CCDC25: variants seen among roughly 807,000 people sequenced by gnomAD.
The protein encoded by CCDC25 is coiled-coil domain-containing protein 25.
In CCDC25, 16 loss-of-function variants were observed where a neutral mutation model predicts 35.3. The observed-to-expected ratio is 0.45, with a 90% CI of 0.31 to 0.69. The LOEUF (loss-of-function observed/expected upper bound fraction) is 0.69, where lower values mean the gene tolerates loss of function less well. CCDC25 is among the 30% of genes least tolerant of loss of function. CCDC25 has a pLI of 0.06. For synonymous variants in CCDC25, 79 were observed against 80.3 expected (o/e 0.98, Z 0.09); for missense variants, 179 against 250.7 (o/e 0.71, Z 1.93).
rs140165211 is a variant in CCDC25, at chr8:27,768,440, C to T, written c.29-3189G>A. ...ATTAGTCAGCCGTAGTAGCACATGC[C>T]TGTAATCCCAGCTACTAAGGAGGCT... On this transcript the variant is annotated intron_variant, in intron 1 of 8. Transcript: ENST00000356537. Among the ~76,000 whole-genome samples the T allele has an allele frequency of 7.9e-3, 1,193 of 151,842 alleles. 13 individuals are homozygous for T. The highest frequency in any genetic ancestry group is 0.027 in the African/African-American group (1,129 of 41,398).
intron 7 of CCDC25, among the ~76,000 whole-genome samples, chr8:27,745,961 G>A (rs1312554587): frequency 6.6e-6 from 1 of 152,158 alleles, no homozygotes; most frequent in Non-Finnish European, 1.5e-5. Flanking sequence ...TTTCCCTTCA[G>A]TTAATAGGAG....
At chr8:27,746,290 T>G (rs112707277) in intron 7 of CCDC25, among the ~76,000 whole-genome samples, 36 of 152,314 alleles carry the variant, frequency 2.4e-4, no homozygotes, top group African/African-American at 8.2e-4. Context: ...TCTTGATTGC[T>G]TCTCAGGCTC....
intron 7 of CCDC25, among the ~76,000 whole-genome samples, chr8:27,747,293 G>C (rs1803637117): frequency 6.6e-6 from 1 of 151,874 alleles, no homozygotes; most frequent in Non-Finnish European, 1.5e-5. Flanking sequence ...AAGCAGAAAA[G>C]GCAGTGGTCA....
At chr8:27,742,736 G>A (rs1803481648) in intron 7 of CCDC25, among the ~76,000 whole-genome samples, 1 of 152,162 alleles carries the variant, frequency 6.6e-6, no homozygotes, top group Non-Finnish European at 1.5e-5. Flanking sequence ...GCGTGGTTGT[G>A]CATGCCTGTA....
At chr8:27,754,494 G>C (rs1013092235) in intron 4 of CCDC25, 4 of 152,274 alleles carry the variant, frequency 2.6e-5, no homozygotes, top group African/African-American at 9.6e-5. Context: ...ATGTGTTTTT[G>C]TTGTTGTTGT....
At chr8:27,765,307 T>G in intron 1 of CCDC25, 56 bp from the exon 2 acceptor site, 1 of 1,331,152 alleles carries the variant, frequency 7.5e-7, no homozygotes, top group Non-Finnish European at 1.0e-6. Flanking sequence ...ACAAAATTGT[T>G]TCATGTGAAA....
intron 3 of CCDC25, among the ~76,000 whole-genome samples, chr8:27,760,785 A>G (rs1804200397): frequency 6.6e-6 from 1 of 152,228 alleles, no homozygotes; most frequent in Non-Finnish European, 1.5e-5. Flanking sequence ...TTTAGAAGAC[A>G]GGTTTTTGTG....
rs182931998 is a variant in CCDC25, at chr8:27,761,794, G to A, written c.116+625C>T. Among the ~76,000 whole-genome samples, 8 of 152,312 alleles carry A rather than the reference G, an allele frequency of 5.3e-5. No homozygotes were observed. The East Asian group carries it at 1.5e-3, about 29-fold the overall frequency. On this transcript the variant is annotated intron_variant, in intron 3 of 8. Coordinates refer to ENST00000356537, the MANE Select transcript of CCDC25 (RefSeq NM_018246.3). ...ATATGGTGTTCTAAGACAGAGAAAAGAATTCAGCTTAAATGAAGTCTTTTT... is the reference window on the plus strand; with the variant it reads ...ATATGGTGTTCTAAGACAGAGAAAAAAATTCAGCTTAAATGAAGTCTTTTT...
intron 1 of CCDC25, among the ~76,000 whole-genome samples, chr8:27,768,348 T>TAG (rs1804472443): frequency 6.6e-6 from 1 of 152,138 alleles, no homozygotes; most frequent in East Asian, 1.9e-4. Context: ...GAGGATCACT[T>TAG]GAGGCCAGGA....
intron 1 of CCDC25, among the ~76,000 whole-genome samples, chr8:27,766,415 C>T (rs998071250): frequency 6.6e-6 from 1 of 151,846 alleles, no homozygotes; most frequent in Non-Finnish European, 1.5e-5. Flanking sequence ...TTGCCTTTCT[C>T]GGGGGAGAGA....
At chr8:27,749,914 T>C (rs1037697249) in intron 5 of CCDC25, among the ~76,000 whole-genome samples, 7 of 152,350 alleles carry the variant, frequency 4.6e-5, no homozygotes, top group Middle Eastern at 3.4e-3. Flanking sequence ...CAAATAAATA[T>C]GGAAAAATTT....
chr8:27,752,401 T>G, intron 5 of CCDC25, 111 bp downstream of exon 5: 1 of 793,424 alleles, frequency 1.3e-6, no homozygotes, highest in Non-Finnish European at 2.1e-6. Flanking sequence ...GCACAGCACA[T>G]GTTATTCTTT....
intron 7 of CCDC25, among the ~76,000 whole-genome samples, chr8:27,744,316 A>G (rs1803534913): frequency 6.6e-6 from 1 of 152,192 alleles, no homozygotes; most frequent in Non-Finnish European, 1.5e-5. Context: ...TTCATGACGT[A>G]TGACTAGTCA....
Position 27,740,722 on chromosome 8 carries a change from T to G in CCDC25, c.552-205A>C, listed in dbSNP as rs58973971. ...CAATAAAAAAGATGTGCACAGCACT[T>G]TATAATTTACAAAGTGCTTTCTCCT... On this transcript the variant is annotated intron_variant, in intron 7 of 8. Transcript: ENST00000356537. Among the ~76,000 whole-genome samples, 1,135 of 152,310 alleles carry G rather than the reference T, an allele frequency of 7.5e-3. 13 individuals carry two copies. Among genetic ancestry groups the G allele is most frequent in the African/African-American group, 0.025 (1,056 of 41,558 alleles).
chr8:27,748,793 G>T (rs150602989), intron 5 of CCDC25, among the ~76,000 whole-genome samples, 195 bp from the exon 6 acceptor site: 2 of 152,112 alleles, frequency 1.3e-5, no homozygotes, highest in Admixed American at 1.3e-4. Context: ...AAATTCAAAC[G>T]GAAGTATTAC....
chr8:27,772,512 C>T lies in CCDC25; in HGVS notation c.28+1G>A, dbSNP rs1371439532. On this transcript the variant is annotated splice_donor_variant, in intron 1 of 8. Transcript: ENST00000356537. LOFTEE classifies it high-confidence loss of function. ...TCCAGGAGGACGTGGCGCCCACTCA[C>T]CGCTGCTGCTGGTGAAGTAGAACAC... 1 of 1,550,076 alleles carries T rather than the reference C, an allele frequency of 6.5e-7. No individual in the cohort carries two copies. The highest frequency in any genetic ancestry group is 1.2e-5 in the South Asian group (1 of 84,030).
intron 2 of CCDC25, 135 bp from the exon 3 acceptor site, chr8:27,762,593 C>T: frequency 1.6e-6 from 1 of 619,652 alleles, no homozygotes; most frequent in Non-Finnish European, 2.8e-6. Context: ...AATTCGGAGG[C>T]CTTGATGCTT....
At chr8:27,756,405 GA>G (rs1394498785) in intron 4 of CCDC25, 2 of 248,794 alleles carry the variant, frequency 8.0e-6, no homozygotes, top group African/African-American at 2.3e-5. Context: ...TCCACTGGAG[GA>G]GACAGAAAGT....
At chr8:27,767,215 A>T (rs905317271) in intron 1 of CCDC25, among the ~76,000 whole-genome samples, 3 of 152,098 alleles carry the variant, frequency 2.0e-5, no homozygotes, top group Non-Finnish European at 4.4e-5. Flanking sequence ...AAAATACAAA[A>T]ATTAGCCAGG....
Sources: gnomAD v4.1 joint callset for allele counts (sites outside exome capture counted in the v4.1 genomes callset) on GRCh38, gnomAD v4.1.1 for gene constraint, MANE v1.5 for transcripts, NCBI Gene and HGNC (gene_info 2026-07-23, HGNC 2026-07-21) for gene names.